The following SEC24D variants were observed in gnomAD, a reference collection of about 807,000 sequenced individuals.
The protein encoded by SEC24D is SEC24 homolog D, COPII component, also known as protein transport protein Sec24D.
SEC24D carries 69 observed loss-of-function variants against 116.9 expected under a neutral mutation model. The observed-to-expected ratio is 0.59, with a 90% CI of 0.49 to 0.72. The LOEUF (loss-of-function observed/expected upper bound fraction) is 0.72, where lower values mean the gene tolerates loss of function less well. Ranked by LOEUF, SEC24D falls within the 30% of genes least tolerant of loss-of-function variation. The probability of loss-of-function intolerance (pLI) is 0.00; values close to 1 mark genes in which losing one functional copy is unlikely to be tolerated. For synonymous variants in SEC24D, 405 were observed against 442.8 expected (o/e 0.91, Z 1.07); for missense variants, 1,131 against 1,264.1 (o/e 0.89, Z 1.60).
intron 19 of SEC24D, among the ~76,000 whole-genome samples, chr4:118,737,361 CA>C (rs1169508199): frequency 1.3e-5 from 2 of 152,160 alleles, no homozygotes; most frequent in African/African-American, 4.8e-5. Flanking sequence ...TCACTTTGGA[CA>C]GCATGGAAAG....
chr4:118,730,155 T>C (rs1442508398), intron 21 of SEC24D: 1 of 152,272 alleles, frequency 6.6e-6, no homozygotes, highest in Non-Finnish European at 1.5e-5. Flanking sequence ...CAGCATTTAC[T>C]ATGTCAATAT....
At chr4:118,792,841 G>C (rs897641421) in intron 8 of SEC24D, among the ~76,000 whole-genome samples, 2 of 152,028 alleles carry the variant, frequency 1.3e-5, no homozygotes, top group African/African-American at 4.8e-5. Context: ...ATTGTCCTAT[G>C]ACCCTGCCAA....
chr4:118,781,707 T>C (rs1265738456), intron 8 of SEC24D, among the ~76,000 whole-genome samples: 2 of 152,342 alleles, frequency 1.3e-5, no homozygotes, highest in African/African-American at 4.8e-5. Context: ...CCATTCTCCA[T>C]GTCATTTTCA....
chr4:118,736,728 A>G (rs561549746), intron 19 of SEC24D, among the ~76,000 whole-genome samples: 2 of 152,320 alleles, frequency 1.3e-5, no homozygotes, highest in Non-Finnish European at 2.9e-5. Context: ...TTTTAAAAAC[A>G]TATCATTGGT....
At chr4:118,779,046 A>C (rs563428552) in intron 8 of SEC24D, among the ~76,000 whole-genome samples, 6 of 152,324 alleles carry the variant, frequency 3.9e-5, no homozygotes, top group African/African-American at 1.4e-4. Context: ...TGTCATCTGC[A>C]AACAGGGACA....
intron 22 of SEC24D, among the ~76,000 whole-genome samples, chr4:118,726,907 C>T (rs1725444502): frequency 6.6e-6 from 1 of 152,178 alleles, no homozygotes; most frequent in Non-Finnish European, 1.5e-5. Context: ...ACTCTTGATC[C>T]TTCCATACCA....
At chr4:118,749,475 T>C (rs1726719200) in intron 13 of SEC24D, among the ~76,000 whole-genome samples, 1 of 151,840 alleles carries the variant, frequency 6.6e-6, no homozygotes, top group Non-Finnish European at 1.5e-5. Context: ...AATAGGGGAG[T>C]ACTGTTCTGA....
intron 11 of SEC24D, among the ~76,000 whole-genome samples, chr4:118,756,332 CCAT>C (rs1727091057): frequency 6.6e-6 from 1 of 152,122 alleles, no homozygotes; most frequent in South Asian, 2.1e-4. Context: ...TCTTATGCCA[CCAT>C]CTTCAACTTG....
At position 118,833,686 on chromosome 4, in the gene SEC24D, T is replaced by C. The variant is rs544446886; in HGVS notation, c.11A>G (p.Gln4Arg). 9 of 1,609,932 alleles carry C rather than the reference T, an allele frequency of 5.6e-6. No homozygotes were observed. In the South Asian group the frequency reaches 1.0e-4, roughly 18 times the overall value. Residue 4 changes from glutamine to arginine, a missense_variant, in exon 2 of 23, where the codon CAA becomes CGA. Physicochemically the swap from Gln to Arg is conservative, Grantham distance 43. Coordinates refer to ENST00000280551, the MANE Select transcript of SEC24D (RefSeq NM_014822.4). MSQ[Q>R]GYVATPPYSQ... Reference sequence around the variant, plus strand: ...ATACGGAGGTGTAGCCACGTAACCTTGTTGACTCATTATGAAAATATCATT... The same window carrying C: ...ATACGGAGGTGTAGCCACGTAACCTCGTTGACTCATTATGAAAATATCATT...
chr4:118,818,341 A>G (rs1038482701), intron 3 of SEC24D, among the ~76,000 whole-genome samples: 2 of 152,154 alleles, frequency 1.3e-5, no homozygotes, highest in African/African-American at 4.8e-5. Context: ...CCCTACTGCC[A>G]TTGAGAGGTT....
chr4:118,828,785 T>C (rs568571474), intron 2 of SEC24D, among the ~76,000 whole-genome samples: 2 of 152,336 alleles, frequency 1.3e-5, no homozygotes, highest in African/African-American at 4.8e-5. Flanking sequence ...CTTCCCAGAC[T>C]AAATCACTTC....
At chr4:118,826,722 A>G (rs1463129307) in intron 2 of SEC24D, among the ~76,000 whole-genome samples, 1 of 151,612 alleles carries the variant, frequency 6.6e-6, no homozygotes, top group African/African-American at 2.4e-5. Context: ...ACCCCTATAG[A>G]CATGTCTAGA....
At chr4:118,807,199 A>G (rs945819291) in intron 6 of SEC24D, among the ~76,000 whole-genome samples, 2 of 152,174 alleles carry the variant, frequency 1.3e-5, no homozygotes, top group Non-Finnish European at 2.9e-5. Flanking sequence ...AAGCAATCCC[A>G]TGTGGTTTTT....
intron 2 of SEC24D, among the ~76,000 whole-genome samples, chr4:118,829,283 C>A (rs1730729317): frequency 6.6e-6 from 1 of 152,118 alleles, no homozygotes; most frequent in Admixed American, 6.5e-5. Flanking sequence ...GAGGCCAAGG[C>A]AGGAGGATGG....
At chr4:118,827,455 C>CT (rs1412873539) in intron 2 of SEC24D, among the ~76,000 whole-genome samples, 1 of 152,160 alleles carries the variant, frequency 6.6e-6, no homozygotes, top group Non-Finnish European at 1.5e-5. Flanking sequence ...CAAAAAAAAT[C>CT]TAAGATCACA....
intron 10 of SEC24D, chr4:118,758,751 C>G (rs1287324256): frequency 6.6e-6 from 1 of 152,060 alleles, no homozygotes; most frequent in Admixed American, 6.5e-5. Context: ...AATTATCTTT[C>G]TGATTCATTC....
At chr4:118,742,334 T>C (rs1726262161) in intron 15 of SEC24D, among the ~76,000 whole-genome samples, 1 of 147,596 alleles carries the variant, frequency 6.8e-6, no homozygotes. Flanking sequence ...AATTCACATA[T>C]GCCAGGAATG....
intron 1 of SEC24D, 123 bp from the exon 2 acceptor site, chr4:118,833,860 A>C (rs1181663849): frequency 1.8e-6 from 1 of 562,238 alleles, no homozygotes; most frequent in Admixed American, 3.4e-5. Context: ...TATCAGGTAC[A>C]TGAGAAATCT....
At chr4:118,815,834 A>T (rs1209871428) in intron 4 of SEC24D, 108 bp from the exon 5 acceptor site, 1 of 1,221,090 alleles carries the variant, frequency 8.2e-7, no homozygotes, top group African/African-American at 1.5e-5. Context: ...AAGCAAGAGG[A>T]CACCCTTAGA....
Sources: allele counts gnomAD v4.1 joint callset (sites outside exome capture counted in the v4.1 genomes callset), GRCh38; gene constraint gnomAD v4.1.1; transcripts MANE v1.5; gene names NCBI Gene and HGNC (gene_info 2026-07-23, HGNC 2026-07-21).